Variants in NXT2 observed in about 807,000 individuals in gnomAD.
NXT2 encodes the protein NTF2-related export protein 2.
NXT2 carries 1 observed loss-of-function variant against 9.6 expected under a neutral mutation model. The ratio of observed to expected loss-of-function variants is 0.10; its 90% confidence interval spans 0.04 to 0.49. The LOEUF (loss-of-function observed/expected upper bound fraction) is 0.49. Ranked by LOEUF, NXT2 falls within the 20% of genes least tolerant of loss-of-function variation. The probability of loss-of-function intolerance (pLI) is 0.95; values close to 1 mark genes in which losing one functional copy is unlikely to be tolerated. For missense variants in NXT2, 48 were observed against 100.3 expected, an observed-to-expected ratio of 0.48 and a Z score of 2.23; for synonymous variants, 22 against 35.4, an observed-to-expected ratio of 0.62 and a Z score of 1.34.
upstream of NXT2, chrX:109,536,028 C>A (rs376238335): frequency 2.2e-5 from 22 of 996,544 alleles, no homozygotes; most frequent in Non-Finnish European, 2.6e-5. Context: ...AAGTCATTGG[C>A]GGCTTTGGGA....
upstream of NXT2, chrX:109,536,652 T>G (rs1933280550): frequency 3.5e-6 from 1 of 284,000 alleles, no homozygotes; most frequent in Non-Finnish European, 5.8e-6. Context: ...AACACTTTCA[T>G]TTTTGCTTGT....
chrX:109,538,535 G>A (rs191267745), intron 2 of NXT2, among the ~76,000 whole-genome samples: 1 of 111,016 alleles, frequency 9.0e-6, no homozygotes, highest in African/African-American at 3.3e-5. Context: ...GTCATTACGG[G>A]GAATATTTCC....
At position 109,543,351 on chromosome X, in the gene NXT2, G is replaced by T. The variant is rs767324822; in HGVS notation, c.*663G>T. 5.9e-4 allele frequency: 66 copies of T among 111,923 alleles called. No homozygotes were observed. Among genetic ancestry groups the T allele is most frequent in the Non-Finnish European group, 9.4e-4 (50 of 52,985 alleles). 9.2% of individuals were successfully genotyped at this position (111,923 alleles called of 1,213,427 possible). On this transcript the variant is annotated 3_prime_UTR_variant, in exon 4 of 4. Coordinates refer to ENST00000372106, the MANE Select transcript of NXT2 (RefSeq NM_001242617.2). ...GTGCATTTGGTGGCTTAAAAGCAAA[G>T]CTTCCTAAAAAGATTTTTCTTGGCA...
At chrX:109,541,312 T>G (rs1358517745) in intron 2 of NXT2, among the ~76,000 whole-genome samples, 163 bp from the exon 3 acceptor site, 2 of 112,336 alleles carry the variant, frequency 1.8e-5, no homozygotes, top group Admixed American at 1.9e-4. Context: ...ACAGACGTTT[T>G]GTTCACATGG....
upstream of NXT2, chrX:109,536,681 A>G: frequency 7.6e-6 from 3 of 393,127 alleles, no homozygotes; most frequent in Non-Finnish European, 1.2e-5. Flanking sequence ...TTGTCGTTAG[A>G]AAAGTAGGGG....
chrX:109,537,169 G>T (rs1049724067), intron 1 of NXT2, 148 bp downstream of exon 1: 5 of 1,059,850 alleles, frequency 4.7e-6, no homozygotes, highest in Non-Finnish European at 6.1e-6. Flanking sequence ...CCCACGCTTT[G>T]CTGCCCGCCC....
chrX:109,543,834 T>C lies in NXT2; in HGVS notation c.*1146T>C, dbSNP rs1933471365. The C allele has an allele frequency of 2.7e-5, 3 of 112,032 alleles. No individual in the cohort carries two copies. Among genetic ancestry groups the C allele is most frequent in the Middle Eastern group, 4.6e-3 (1 of 217 alleles). 9.2% of individuals were successfully genotyped at this position (112,032 alleles called of 1,213,427 possible). ...TGAACTTTAGGCCCAAAGTTTCTTATGTATCACACATCCCCCAAATAAGTG... is the reference window on the plus strand; with the variant it reads ...TGAACTTTAGGCCCAAAGTTTCTTACGTATCACACATCCCCCAAATAAGTG... On this transcript the variant is annotated 3_prime_UTR_variant, in exon 4 of 4. Transcript: ENST00000372106.
At position 109,541,467 on chromosome X, in the gene NXT2, C is replaced by A; in HGVS notation, c.103-8C>A. ...ATTTCCCTTTTTTAAATTTGTCTTT[C>A]TTTTTAGGCACTAACCAGGCTGTAT... On this transcript the variant is annotated splice_polypyrimidine_tract_variant and splice_region_variant and intron_variant, in intron 2 of 3. Transcript: ENST00000372106. The A allele has an allele frequency of 8.6e-7, 1 of 1,161,140 alleles. No individual in the cohort carries two copies. Among genetic ancestry groups the A allele is most frequent in the Middle Eastern group, 2.4e-4 (1 of 4,134 alleles).
At chrX:109,537,879 A>G (rs1933320793) in intron 1 of NXT2, among the ~76,000 whole-genome samples, 166 bp from the exon 2 acceptor site, 2 of 112,358 alleles carry the variant, frequency 1.8e-5, no homozygotes, top group African/African-American at 6.5e-5. Context: ...TAAAATTGCA[A>G]ACTTCAGAGT....
At chrX:109,542,400 A>G in intron 3 of NXT2, 107 bp from the exon 4 acceptor site, 1 of 656,401 alleles carries the variant, frequency 1.5e-6, no homozygotes, top group Non-Finnish European at 2.2e-6. Context: ...AAGTGTATGA[A>G]AAAAATTTTA....
Position 109,538,213 on chromosome X carries a change from T to G in NXT2, c.102+82T>G, listed in dbSNP as rs184787506. 22 of 622,930 alleles carry G rather than the reference T, an allele frequency of 3.5e-5. No homozygotes were observed. The African/African-American group carries it at 4.5e-4, about 13-fold the overall frequency. 51.3% of individuals were successfully genotyped at this position (622,930 alleles called of 1,213,427 possible). ...GGTTGTGTCTGGAGCCAGCGTTTCA[T>G]CTGACTTGCATAAGTGGTAACTGTG... On this transcript the variant is annotated intron_variant, in intron 2 of 3. Transcript: ENST00000372106.
At position 109,543,852 on chromosome X, in the gene NXT2, A is replaced by C. The variant is rs1182094619; in HGVS notation, c.*1164A>C. On this transcript the variant is annotated 3_prime_UTR_variant, in exon 4 of 4. Transcript: ENST00000372106. The stretch of plus-strand genomic sequence containing the variant: ...TTTCTTATGTATCACACATCCCCCA[A>C]ATAAGTGATTTTTTCCCAGTGCTTT... 4.5e-5 allele frequency: 5 copies of C among 111,727 alleles called. No individual in the cohort carries two copies. The highest frequency in any genetic ancestry group is 1.9e-4 in the Admixed American group (2 of 10,533). The allele number at this position is 111,727 out of a possible 1,213,427, so 9.2% of individuals were successfully genotyped here. A position where few individuals can be genotyped will look rare whatever the true frequency, so the allele number is the denominator to read the frequency against.
At chrX:109,539,048 G>A (rs761313514) in intron 2 of NXT2, among the ~76,000 whole-genome samples, 1 of 110,525 alleles carries the variant, frequency 9.0e-6, no homozygotes, top group Non-Finnish European at 1.9e-5. Flanking sequence ...ACAGGCCCAG[G>A]TGTGTGATGT....
chrX:109,542,491 T>G lies in NXT2; in HGVS notation c.248-16T>G, dbSNP rs1933441758. 8.6e-7 allele frequency: 1 copy of G among 1,165,075 alleles called. No individual in the cohort carries two copies. The highest frequency in any genetic ancestry group is 2.6e-5 in the Admixed American group (1 of 39,049). On this transcript the variant is annotated splice_polypyrimidine_tract_variant and intron_variant, in intron 3 of 3. Coordinates refer to ENST00000372106, the MANE Select transcript of NXT2 (RefSeq NM_001242617.2). ...AGAAAATGATGTGTTCTCTTTTTTT[T>G]TTAATGTGGATGAAGAGCAAGCAAC...
chrX:109,542,469 A>T, intron 3 of NXT2, 38 bp from the exon 4 acceptor site: 2 of 1,115,520 alleles, frequency 1.8e-6, no homozygotes, highest in Non-Finnish European at 2.4e-6. Flanking sequence ...TAGAGATAGA[A>T]AATGATGTGT....
At chrX:109,539,116 T>C (rs1165257422) in intron 2 of NXT2, among the ~76,000 whole-genome samples, 1 of 111,648 alleles carries the variant, frequency 9.0e-6, no homozygotes, top group African/African-American at 3.3e-5. Context: ...AGTGAAAACA[T>C]AACTGTGTTT....
chrX:109,538,276 T>A, intron 2 of NXT2, 145 bp downstream of exon 2: 1 of 386,768 alleles, frequency 2.6e-6, no homozygotes, highest in Non-Finnish European at 4.4e-6. Flanking sequence ...AGGGAAGGAT[T>A]GGTATGGCAT....
intron 2 of NXT2, among the ~76,000 whole-genome samples, chrX:109,539,968 T>TA (rs1178037569): frequency 8.9e-6 from 1 of 112,050 alleles, no homozygotes; most frequent in South Asian, 3.6e-4. Context: ...TTTTGGGTGT[T>TA]ACGTTTAAGT....
At position 109,542,133 on chromosome X, in the gene NXT2, T is replaced by A. The variant is rs745554387; in HGVS notation, c.248-374T>A. 2.9e-3 allele frequency among the ~76,000 whole-genome samples: 328 copies of A among 111,485 alleles called. 2 individuals are homozygous for A. Among genetic ancestry groups the A allele is most frequent in the African/African-American group, 0.01 (321 of 30,767 alleles). On this transcript the variant is annotated intron_variant, in intron 3 of 3. Coordinates refer to ENST00000372106, the MANE Select transcript of NXT2 (RefSeq NM_001242617.2). Reference sequence around the variant, plus strand: ...TTAAATTGTAGTTCAGGGTGATTTTTTTCCTTTATAATTCCTGAAAAGAAC... The same window carrying A: ...TTAAATTGTAGTTCAGGGTGATTTTATTCCTTTATAATTCCTGAAAAGAAC...
Sources: gnomAD v4.1 joint callset for allele counts (sites outside exome capture counted in the v4.1 genomes callset) on GRCh38, gnomAD v4.1.1 for gene constraint, MANE v1.5 for transcripts, NCBI Gene and HGNC (gene_info 2026-07-23, HGNC 2026-07-21) for gene names.